Variants in SYNJ2BP observed in about 807,000 individuals in gnomAD.
SYNJ2BP encodes synaptojanin-2-binding protein.
A neutral mutation model predicts 16.9 loss-of-function variants in SYNJ2BP; 10 were observed. The observed-to-expected ratio is 0.59, with a 90% confidence interval of 0.36 to 1.00. The LOEUF (loss-of-function observed/expected upper bound fraction) is 1.00. Ranked by LOEUF, SYNJ2BP falls within the 50% of genes least tolerant of loss-of-function variation. The pLI is 0.01. For synonymous variants in SYNJ2BP, 54 were observed against 68.4 expected, an observed-to-expected ratio of 0.79 and a Z score of 1.04; for missense variants, 162 against 186.7, an observed-to-expected ratio of 0.87 and a Z score of 0.77.
chr14:70,388,585 C>A lies in SYNJ2BP; in HGVS notation c.86G>T (p.Gly29Val). The change falls in exon 2 of 4, where the codon GGT (glycine) becomes GTT (valine). Residue 29 changes from glycine to valine, a missense_variant. Coordinates refer to ENST00000256366, the MANE Select transcript of SYNJ2BP (RefSeq NM_018373.3). ...GPSGLGFNIVGGTDQQYVSND... is the reference protein window; with the variant it reads ...GPSGLGFNIVVGTDQQYVSND... ...GGAGACATACTGCTGATCTGTCCCA[C>A]CGACGATGTTGAAGCCCAGCCCTGA... 6.5e-7 allele frequency: 1 copy of A among 1,545,702 alleles called. No individual in the cohort carries two copies. Among genetic ancestry groups the A allele is most frequent in the Non-Finnish European group, 8.7e-7 (1 of 1,147,214 alleles).
At position 70,367,574 on chromosome 14, in the gene SYNJ2BP, A is replaced by AAAG. The variant is rs1408693931; in HGVS notation, c.*5416_*5417insCTT. The AAAG allele has an allele frequency of 6.6e-6, 1 of 151,184 alleles. No homozygotes were observed. The highest frequency in any genetic ancestry group is 2.4e-5 in the African/African-American group (1 of 41,154). The allele number at this position is 151,184 out of a possible 1,614,324, so 9.4% of individuals were successfully genotyped here. A position where few individuals can be genotyped will look rare whatever the true frequency, so the allele number is the denominator to read the frequency against. On this transcript the variant is annotated 3_prime_UTR_variant, in exon 4 of 4. Coordinates refer to ENST00000256366, the MANE Select transcript of SYNJ2BP (RefSeq NM_018373.3). The stretch of plus-strand genomic sequence containing the variant: ...AAGACTCCGTCTCAAAAAAAAAAAA[A>AAAG]AAAAAAAAAAAAAGAAAAGAAAAGA...
chr14:70,378,567 T>C (rs1887682841), intron 2 of SYNJ2BP, among the ~76,000 whole-genome samples: 2 of 151,928 alleles, frequency 1.3e-5, no homozygotes, highest in Middle Eastern at 3.4e-3. Context: ...GCTGGGATTA[T>C]AGGTGTGAGA....
intron 1 of SYNJ2BP, among the ~76,000 whole-genome samples, chr14:70,392,544 C>T (rs1308675381): frequency 1.3e-5 from 2 of 152,026 alleles, no homozygotes; most frequent in South Asian, 2.1e-4. Flanking sequence ...TGGGATAAGG[C>T]GCTAGGAGTA....
chr14:70,416,317 CTTTTTTTTTTTT>C (rs34083947), intron 1 of SYNJ2BP, among the ~76,000 whole-genome samples: 10 of 140,846 alleles, frequency 7.1e-5, no homozygotes, highest in Admixed American at 2.8e-4. Context: ...TTTTTATTTT[CTTTTTTTTTTTT>C]TTTTTTAAAG....
chr14:70,410,017 C>G lies in SYNJ2BP; in HGVS notation c.64+6883G>C, dbSNP rs547947316. On this transcript the variant is annotated intron_variant, in intron 1 of 3. Coordinates refer to ENST00000256366, the MANE Select transcript of SYNJ2BP (RefSeq NM_018373.3). ...TCTGTAGTCCCAGCTACTCAGGAAG[C>G]TGAGGCAGGAGGACCACCTGAGCCC... 1.1e-4 allele frequency among the ~76,000 whole-genome samples: 16 copies of G among 152,104 alleles called. No homozygotes were observed. The East Asian group carries it at 2.9e-3, about 28-fold the overall frequency.
intron 1 of SYNJ2BP, among the ~76,000 whole-genome samples, chr14:70,399,431 T>C (rs1888183672): frequency 6.6e-6 from 1 of 152,172 alleles, no homozygotes; most frequent in South Asian, 2.1e-4. Flanking sequence ...ACACTCTCCC[T>C]GCAGTGGCAG....
In SYNJ2BP at chr14:70,367,435, A is replaced by C. The variant is rs933756823; in HGVS notation, c.*5556T>G. 5 of 151,896 alleles carry C rather than the reference A, an allele frequency of 3.3e-5. No individual in the cohort carries two copies. Among genetic ancestry groups the C allele is most frequent in the Admixed American group, 3.3e-4 (5 of 15,236 alleles). The allele number at this position is 151,896 out of a possible 1,614,324, so 9.4% of individuals were successfully genotyped here. On this transcript the variant is annotated 3_prime_UTR_variant, in exon 4 of 4. Coordinates refer to ENST00000256366, the MANE Select transcript of SYNJ2BP (RefSeq NM_018373.3). ...AAATTAGCCAGGCGTTGTGGCACAC[A>C]CCTGTAATCCCAACTACTGGGGAGG...
At chr14:70,406,958 G>A (rs75378043) in intron 1 of SYNJ2BP, among the ~76,000 whole-genome samples, 3,443 of 152,248 alleles carry the variant, frequency 0.023, 118 homozygotes, top group East Asian at 0.17. Flanking sequence ...TCTAGGCAGC[G>A]AGCAAGAAGA....
At chr14:70,390,937 C>T (rs1034185161) in intron 1 of SYNJ2BP, among the ~76,000 whole-genome samples, 9 of 152,098 alleles carry the variant, frequency 5.9e-5, no homozygotes, top group African/African-American at 2.2e-4. Context: ...AGTTCGAGAC[C>T]AGCCTGGGCA....
chr14:70,386,612 G>T (rs1887864968), intron 2 of SYNJ2BP, among the ~76,000 whole-genome samples: 1 of 152,150 alleles, frequency 6.6e-6, no homozygotes, highest in South Asian at 2.1e-4. Context: ...CAAATACTCA[G>T]ATGCCAAATG....
intron 1 of SYNJ2BP, among the ~76,000 whole-genome samples, chr14:70,394,167 T>C (rs1239045857): frequency 6.6e-6 from 1 of 152,046 alleles, no homozygotes; most frequent in Non-Finnish European, 1.5e-5. Flanking sequence ...GTAATGTTCA[T>C]ATTCATAACA....
intron 1 of SYNJ2BP, among the ~76,000 whole-genome samples, chr14:70,416,318 T>A (rs1003080254): frequency 1.9e-4 from 3 of 16,182 alleles, no homozygotes; most frequent in Non-Finnish European, 3.0e-4. Context: ...TTTTATTTTC[T>A]TTTTTTTTTT....
intron 1 of SYNJ2BP, among the ~76,000 whole-genome samples, chr14:70,404,038 G>T (rs1433183011): frequency 2.6e-5 from 4 of 152,148 alleles, no homozygotes; most frequent in African/African-American, 9.7e-5. Flanking sequence ...TAACGTCAGG[G>T]TTTCTTTCAC....
At chr14:70,410,024 A>T (rs114179251) in intron 1 of SYNJ2BP, among the ~76,000 whole-genome samples, 3,394 of 151,348 alleles carry the variant, frequency 0.022, 113 homozygotes, top group African/African-American at 0.077. Context: ...AAGCTGAGGC[A>T]GGAGGACCAC....
intron 2 of SYNJ2BP, among the ~76,000 whole-genome samples, chr14:70,378,551 G>C (rs574716310): frequency 6.7e-6 from 1 of 150,016 alleles, no homozygotes; most frequent in Non-Finnish European, 1.5e-5. Flanking sequence ...CTCAGCCTCC[G>C]AAAGTGCTGG....
At chr14:70,388,951 G>C (rs1262810870) in intron 1 of SYNJ2BP, among the ~76,000 whole-genome samples, 5 of 140,290 alleles carry the variant, frequency 3.6e-5, no homozygotes, top group African/African-American at 1.4e-4. Flanking sequence ...TCAGAGTCTT[G>C]CTAGTGGGCA....
intron 1 of SYNJ2BP, among the ~76,000 whole-genome samples, chr14:70,396,212 A>G (rs1295833389): frequency 6.6e-6 from 1 of 152,110 alleles, no homozygotes; most frequent in African/African-American, 2.4e-5. Flanking sequence ...TCCGCCTCCC[A>G]GGTTCACTCA....
rs897256096 is a variant in SYNJ2BP at position 70,369,012 on chromosome 14, G to C, written c.*3979C>G. The C allele has an allele frequency of 6.6e-6, 1 of 152,182 alleles. No homozygotes were observed. Among genetic ancestry groups the C allele is most frequent in the African/African-American group, 2.4e-5 (1 of 41,440 alleles). 9.4% of individuals were successfully genotyped at this position (152,182 alleles called of 1,614,324 possible). ...TTAGCATGAATCAGTCACCTGGAAGGATTACAAAAACACAGATTGTGAGAT... is the reference window on the plus strand; with the variant it reads ...TTAGCATGAATCAGTCACCTGGAAGCATTACAAAAACACAGATTGTGAGAT... On this transcript the variant is annotated 3_prime_UTR_variant, in exon 4 of 4. Transcript: ENST00000256366.
At chr14:70,382,522 G>A (rs1887774892) in intron 2 of SYNJ2BP, among the ~76,000 whole-genome samples, 1 of 152,160 alleles carries the variant, frequency 6.6e-6, no homozygotes, top group African/African-American at 2.4e-5. Context: ...CTGTAGGTCT[G>A]GGAAGGGCCC....
Sources: gnomAD v4.1 joint callset for allele counts (sites outside exome capture counted in the v4.1 genomes callset) on GRCh38, gnomAD v4.1.1 for gene constraint, MANE v1.5 for transcripts, NCBI Gene and HGNC (gene_info 2026-07-23, HGNC 2026-07-21) for gene names.